SPEN: variants seen among roughly 807,000 people sequenced by gnomAD.
The protein encoded by SPEN is msx2-interacting protein.
SPEN carries 18 observed loss-of-function variants against 269.9 expected under a neutral mutation model. That is an observed-to-expected ratio of 0.07 (90% CI 0.05 to 0.10). The LOEUF (loss-of-function observed/expected upper bound fraction) is 0.10. Ranked by LOEUF, SPEN falls within the 10% of genes least tolerant of loss-of-function variation. SPEN has a pLI of 1.00. For missense variants in SPEN, 3,822 were observed against 4,631.2 expected, an observed-to-expected ratio of 0.83 and a Z score of 5.07; for synonymous variants, 1,726 against 1,765.7, an observed-to-expected ratio of 0.98 and a Z score of 0.56.
chr1:15,887,470 A>G (rs1410703614), intron 3 of SPEN, among the ~76,000 whole-genome samples: 2 of 147,568 alleles, frequency 1.4e-5, no homozygotes, highest in Non-Finnish European at 3.0e-5. Context: ...TTTAGTAGAG[A>G]CTGGGTTTCA....
chr1:15,929,157 G>C lies in SPEN; in HGVS notation c.2917G>C (p.Val973Leu). ...CAAGCCTGAGCAGCCTGCAGATGGG[G>C]TAAGTGCTGTGGATCTGGAGAAGCT... ...HLKPEQPADG[V>L]SAVDLEKLEA... Residue 973 changes from valine to leucine, a missense_variant, in exon 11 of 15, where the codon GTA becomes CTA. Around this residue, in one of 16 missense-constraint regions of SPEN, gnomAD observed 572 missense variants for 582.6 expected, o/e 0.98. Transcript: ENST00000375759. The surrounding 1 kb of genome is among the most constrained non-coding windows in gnomAD (Gnocchi z 5.8). 6.2e-7 allele frequency: 1 copy of C among 1,614,208 alleles called. No individual in the cohort carries two copies. The highest frequency in any genetic ancestry group is 8.5e-7 in the Non-Finnish European group (1 of 1,180,026).
Position 15,935,577 on chromosome 1 carries a change from C to T in SPEN, c.9337C>T (p.Arg3113Trp), listed in dbSNP as rs759460980. ...PTLPSITYSI[R>W]PEALHSPRAP... ...GCTGCCCAGTATCACCTACAGCATC[C>T]GGCCAGAAGCGCTTCACTCTCCTCG... Residue 3113 changes from arginine to tryptophan, a missense_variant, in exon 11 of 15, where the codon CGG becomes TGG. Coordinates refer to ENST00000375759, the MANE Select transcript of SPEN (RefSeq NM_015001.3). The surrounding 1 kb of genome is among the most constrained non-coding windows in gnomAD (Gnocchi z 7.7). The T allele has an allele frequency of 5.0e-6, 8 of 1,614,066 alleles. No homozygotes were observed. Among genetic ancestry groups the T allele is most frequent in the Admixed American group, 3.3e-5 (2 of 60,022 alleles).
rs2148746754 is a variant in SPEN at position 15,940,141 on chromosome 1, T to G, written c.*714T>G. On this transcript the variant is annotated 3_prime_UTR_variant, in exon 15 of 15. Coordinates refer to ENST00000375759, the MANE Select transcript of SPEN (RefSeq NM_015001.3). ...ATATATATAATACTGACTTAAAAAATCAAATCCCCCGACATACGTTTTTTT... is the reference window on the plus strand; with the variant it reads ...ATATATATAATACTGACTTAAAAAAGCAAATCCCCCGACATACGTTTTTTT... The G allele has an allele frequency of 4.5e-6, 1 of 223,066 alleles. No individual in the cohort carries two copies. Among genetic ancestry groups the G allele is most frequent in the Non-Finnish European group, 8.9e-6 (1 of 112,092 alleles). 13.8% of individuals were successfully genotyped at this position (223,066 alleles called of 1,614,324 possible). A position where few individuals can be genotyped will look rare whatever the true frequency, so the allele number is the denominator to read the frequency against.
intron 1 of SPEN, among the ~76,000 whole-genome samples, chr1:15,871,939 G>C (rs183928867): frequency 6.6e-6 from 1 of 152,064 alleles, no homozygotes; most frequent in Non-Finnish European, 1.5e-5. Context: ...AAACTTCTGA[G>C]AAGTGTATTT....
intron 3 of SPEN, among the ~76,000 whole-genome samples, chr1:15,877,363 G>A (rs1053074776): frequency 6.6e-6 from 1 of 152,118 alleles, no homozygotes; most frequent in African/African-American, 2.4e-5. Context: ...CTGCCTTCTG[G>A]GTTCCAGCAG....
At chr1:15,852,180 T>A (rs1030523296) in intron 1 of SPEN, among the ~76,000 whole-genome samples, 2 of 152,180 alleles carry the variant, frequency 1.3e-5, no homozygotes, top group Non-Finnish European at 2.9e-5. Flanking sequence ...ATTTTTAGAC[T>A]TAAACAAATT....
At chr1:15,863,053 TC>T (rs1449147617) in intron 1 of SPEN, among the ~76,000 whole-genome samples, 1 of 151,970 alleles carries the variant, frequency 6.6e-6, no homozygotes, top group African/African-American at 2.4e-5. Context: ...GAGCCACCGC[TC>T]CCGGCCGAAT....
At chr1:15,862,983 G>C (rs753758360) in intron 1 of SPEN, among the ~76,000 whole-genome samples, 1 of 152,056 alleles carries the variant, frequency 6.6e-6, no homozygotes, top group Admixed American at 6.6e-5. Flanking sequence ...GGATGGCTTC[G>C]ATCTCCTGAC....
At chr1:15,893,403 C>T (rs1276239588) in intron 3 of SPEN, among the ~76,000 whole-genome samples, 1 of 152,066 alleles carries the variant, frequency 6.6e-6, no homozygotes, top group African/African-American at 2.4e-5. Context: ...TGGACTGTAG[C>T]TTTGTATCTG....
At chr1:15,897,106 C>G (rs2148721934) in intron 3 of SPEN, among the ~76,000 whole-genome samples, 1 of 152,324 alleles carries the variant, frequency 6.6e-6, no homozygotes, top group South Asian at 2.1e-4. Flanking sequence ...CAGCTCTTTT[C>G]CCGTTAGAAA....
At chr1:15,918,525 C>A (rs2071087614) in intron 6 of SPEN, among the ~76,000 whole-genome samples, 1 of 152,230 alleles carries the variant, frequency 6.6e-6, no homozygotes, top group Admixed American at 6.5e-5. Context: ...AGCCAGATAT[C>A]ATATTTTAAA....
chr1:15,888,265 A>G (rs2070755087), intron 3 of SPEN, among the ~76,000 whole-genome samples: 1 of 151,002 alleles, frequency 6.6e-6, no homozygotes, highest in South Asian at 2.1e-4. Context: ...AAAAACTGCC[A>G]TGTCAAATTG....
chr1:15,931,503 A>G lies in SPEN; in HGVS notation c.5263A>G (p.Ser1755Gly). The change falls in exon 11 of 15, where the codon AGT becomes GGT. Residue 1755 changes from serine to glycine, a missense_variant. Ser to Gly is a moderately conservative substitution (Grantham distance 56). This residue lies in a region of SPEN where 533 missense variants were observed against 618.8 expected (regional missense o/e 0.86). Transcript: ENST00000375759. This position sits in a 1 kb window ranked among gnomAD's most constrained non-coding sequence, Gnocchi z 4.8. ...AESNVDPEPD[S>G]TQPLSKPAQK... ...GAGCAACGTAGATCCAGAGCCTGAC[A>G]GTACCCAGCCACTTTCAAAACCAGC... 2.5e-6 allele frequency: 4 copies of G among 1,614,184 alleles called. No homozygotes were observed. Among genetic ancestry groups the G allele is most frequent in the East Asian group, 2.2e-5 (1 of 44,884 alleles).
chr1:15,864,470 GT>G lies in SPEN; in HGVS notation c.84-8327del, dbSNP rs371257174. 8.6e-3 allele frequency among the ~76,000 whole-genome samples: 1,140 copies of G among 132,350 alleles called. 20 individuals carry two copies. Among genetic ancestry groups the G allele is most frequent in the African/African-American group, 0.028 (976 of 34,968 alleles). The allele number at this position is 132,350 out of a possible 152,430, so 86.8% of individuals were successfully genotyped here. A position where few individuals can be genotyped will look rare whatever the true frequency, so the allele number is the denominator to read the frequency against. On this transcript the variant is annotated intron_variant, in intron 1 of 14. Transcript: ENST00000375759. The stretch of plus-strand genomic sequence containing the variant: ...TAGGCGTGAGCCTCTGTGCCGGCCG[GT>G]TTTTTTTTTTTTTTTTTTAATATTG...
In SPEN at chr1:15,848,880, C is replaced by A. The variant is rs538010335; in HGVS notation, c.83+730C>A. 6.6e-6 allele frequency among the ~76,000 whole-genome samples: 1 copy of A among 152,156 alleles called. No homozygotes were observed. Among genetic ancestry groups the A allele is most frequent in the Admixed American group, 6.6e-5 (1 of 15,266 alleles). Reference sequence around the variant, plus strand: ...GGTTGCTAGCCCCGGCGCCCGTAGCCTCGGGTCGCACTCCCAGGCCGCCCT... The same window carrying A: ...GGTTGCTAGCCCCGGCGCCCGTAGCATCGGGTCGCACTCCCAGGCCGCCCT... On this transcript the variant is annotated intron_variant, in intron 1 of 14. Transcript: ENST00000375759. The surrounding 1 kb of genome is among the most constrained non-coding windows in gnomAD (Gnocchi z 5.1).
At chr1:15,908,640 C>A (rs1469581125) in intron 3 of SPEN, among the ~76,000 whole-genome samples, 1 of 152,110 alleles carries the variant, frequency 6.6e-6, no homozygotes, top group African/African-American at 2.4e-5. Context: ...CCAGGATGAT[C>A]TCAGTTTCTT....
rs117124601 is a variant in SPEN, at chr1:15,905,913, C to T, written c.882-3408C>T. Among the ~76,000 whole-genome samples, 85 of 152,202 alleles carry T rather than the reference C, an allele frequency of 5.6e-4. 1 individual carries two copies. The East Asian group carries it at 0.016, about 28-fold the overall frequency. On this transcript the variant is annotated intron_variant, in intron 3 of 14. Coordinates refer to ENST00000375759, the MANE Select transcript of SPEN (RefSeq NM_015001.3). ...AATAGCCGTAAATTTTGCTTTTGCT[C>T]GTGATTGTTTACTTCTGTAACCACT...
chr1:15,876,490 A>G lies in SPEN; in HGVS notation c.693A>G (p.Arg231=). The change falls in exon 3 of 15, where the codon AGA becomes AGG. Residue 231 remains arginine (R), a synonymous_variant. Coordinates refer to ENST00000375759, the MANE Select transcript of SPEN (RefSeq NM_015001.3). ...ATATTACCCGGGAGGTACGAGGCAG[A>G]AGGCCAGAGCGGAATTACCAGCACA... The part of the protein sequence containing the change: ...RDDITREVRG[R]RPERNYQHSR... 6.2e-7 allele frequency: 1 copy of G among 1,614,176 alleles called. No individual in the cohort carries two copies.
intron 3 of SPEN, among the ~76,000 whole-genome samples, chr1:15,890,678 T>G (rs1421538546): frequency 1.3e-5 from 2 of 151,940 alleles, no homozygotes; most frequent in African/African-American, 2.4e-5. Flanking sequence ...CAGTTAATGC[T>G]TTTTAATACA....
Sources: allele counts gnomAD v4.1 joint callset (sites outside exome capture counted in the v4.1 genomes callset), GRCh38; gene constraint gnomAD v4.1.1; regional missense constraint gnomAD v4.1.1; non-coding constraint Gnocchi (gnomAD v3.1); transcripts MANE v1.5; gene names NCBI Gene and HGNC (gene_info 2026-07-23, HGNC 2026-07-21).